HS3ST4: variants seen among roughly 807,000 people sequenced by gnomAD.
The protein encoded by HS3ST4 is heparan sulfate-glucosamine 3-sulfotransferase 4.
Under a neutral mutation model 29.2 loss-of-function variants are expected in HS3ST4, and 17 were observed. That is an observed-to-expected ratio of 0.58 (90% CI 0.40 to 0.87). HS3ST4 has a LOEUF of 0.87. Ranked by LOEUF, HS3ST4 falls within the 40% of genes least tolerant of loss-of-function variation. The probability of loss-of-function intolerance (pLI) is 0.00; values close to 1 mark genes in which losing one functional copy is unlikely to be tolerated. For synonymous variants in HS3ST4, 314 were observed against 285.7 expected (o/e 1.10, Z -1.00); for missense variants, 627 against 634.5 (o/e 0.99, Z 0.13).
intron 1 of HS3ST4, among the ~76,000 whole-genome samples, chr16:25,732,553 C>G (rs1188461601): frequency 6.6e-6 from 1 of 152,158 alleles, no homozygotes; most frequent in African/African-American, 2.4e-5. Context: ...AGCTGGTGTT[C>G]TGGGTGCCAC....
At chr16:26,069,559 TA>T (rs1028766574) in intron 1 of HS3ST4, among the ~76,000 whole-genome samples, 9 of 150,532 alleles carry the variant, frequency 6.0e-5, no homozygotes, top group Non-Finnish European at 1.3e-4. Context: ...TATATATATA[TA>T]TTTTTTTTTA....
intron 1 of HS3ST4, among the ~76,000 whole-genome samples, chr16:26,087,301 C>T (rs1469506572): frequency 6.6e-6 from 1 of 152,202 alleles, no homozygotes; most frequent in Non-Finnish European, 1.5e-5. Flanking sequence ...ATCATCTGGA[C>T]TTGGTTAGAG....
At chr16:25,946,297 G>T (rs959224044) in intron 1 of HS3ST4, among the ~76,000 whole-genome samples, 3 of 152,196 alleles carry the variant, frequency 2.0e-5, no homozygotes, top group African/African-American at 7.2e-5. Context: ...GTGTGTTAAG[G>T]TCATATTTCC....
intron 1 of HS3ST4, among the ~76,000 whole-genome samples, chr16:25,779,656 A>G (rs1282778748): frequency 6.6e-6 from 1 of 152,220 alleles, no homozygotes; most frequent in East Asian, 1.9e-4. Context: ...AACAAAATCT[A>G]CTTTTCTTGA....
chr16:25,978,581 T>C (rs1206533854), intron 1 of HS3ST4, among the ~76,000 whole-genome samples: 1 of 152,254 alleles, frequency 6.6e-6, no homozygotes, highest in Non-Finnish European at 1.5e-5. Context: ...GAACACTGTC[T>C]ACATCTCTTG....
chr16:25,867,697 G>A (rs1331134470), intron 1 of HS3ST4, among the ~76,000 whole-genome samples: 2 of 152,090 alleles, frequency 1.3e-5, no homozygotes, highest in Non-Finnish European at 1.5e-5. Flanking sequence ...TAGCTTCAGG[G>A]CTTGGCACAT....
intron 1 of HS3ST4, among the ~76,000 whole-genome samples, chr16:25,854,433 C>T (rs2141651173): frequency 6.6e-6 from 1 of 152,272 alleles, no homozygotes. Flanking sequence ...TCACTTTCAT[C>T]ACCATCTTGG....
intron 1 of HS3ST4, among the ~76,000 whole-genome samples, chr16:26,094,805 A>C (rs8060902): frequency 6.6e-6 from 1 of 151,984 alleles, no homozygotes; most frequent in Non-Finnish European, 1.5e-5. Context: ...CCCCAATTAA[A>C]AGACACAAAC....
At chr16:25,989,888 C>A (rs183068958) in intron 1 of HS3ST4, among the ~76,000 whole-genome samples, 1 of 152,178 alleles carries the variant, frequency 6.6e-6, no homozygotes, top group Non-Finnish European at 1.5e-5. Flanking sequence ...TGTTTAATCA[C>A]CGGAAGTCCA....
At chr16:25,816,831 A>G (rs930547072) in intron 1 of HS3ST4, among the ~76,000 whole-genome samples, 1 of 152,148 alleles carries the variant, frequency 6.6e-6, no homozygotes, top group Non-Finnish European at 1.5e-5. Context: ...GAGGTGACAC[A>G]GGGCATCACA....
intron 1 of HS3ST4, among the ~76,000 whole-genome samples, chr16:26,072,938 A>G (rs1339431763): frequency 6.6e-6 from 1 of 152,284 alleles, no homozygotes; most frequent in East Asian, 1.9e-4. Flanking sequence ...GTAAATCTCT[A>G]CAAAAAATAA....
intron 1 of HS3ST4, among the ~76,000 whole-genome samples, chr16:25,810,601 C>CT (rs1967033295): frequency 1.3e-5 from 2 of 152,158 alleles, no homozygotes; most frequent in African/African-American, 4.8e-5. Flanking sequence ...TTGCTTCATT[C>CT]TTTTCAGGTT....
chr16:25,994,205 A>T (rs1483217687), intron 1 of HS3ST4, among the ~76,000 whole-genome samples: 1 of 152,052 alleles, frequency 6.6e-6, no homozygotes, highest in African/African-American at 2.4e-5. Flanking sequence ...TCAGTCCATA[A>T]CATCCCCATT....
At chr16:26,038,021 C>A (rs1969599328) in intron 1 of HS3ST4, among the ~76,000 whole-genome samples, 1 of 152,150 alleles carries the variant, frequency 6.6e-6, no homozygotes, top group Non-Finnish European at 1.5e-5. Flanking sequence ...GAGTAAAAGT[C>A]CTTCGTGTAT....
At chr16:25,728,924 A>G (rs1207237951) in intron 1 of HS3ST4, among the ~76,000 whole-genome samples, 6 of 152,066 alleles carry the variant, frequency 3.9e-5, no homozygotes, top group Admixed American at 6.5e-5. Context: ...TTTCTATAAA[A>G]AAATAAAAAT....
chr16:25,858,010 T>TGTCTTTTCCTTTCTTTCC (rs913269732), intron 1 of HS3ST4, among the ~76,000 whole-genome samples: 4 of 147,786 alleles, frequency 2.7e-5, no homozygotes, highest in Non-Finnish European at 4.6e-5. Context: ...CTTTTCTTTC[T>TGTCTTTTCCTTTCTTTCC]GTCTTTTTCT....
At chr16:26,066,852 A>G (rs4605168) in intron 1 of HS3ST4, among the ~76,000 whole-genome samples, 13,348 of 152,330 alleles carry the variant, frequency 0.088, 793 homozygotes, top group Admixed American at 0.19. Flanking sequence ...TGCAATGCTC[A>G]GGACATCTGT....
At chr16:25,853,495 G>A (rs1009716865) in intron 1 of HS3ST4, among the ~76,000 whole-genome samples, 1 of 152,096 alleles carries the variant, frequency 6.6e-6, no homozygotes, top group South Asian at 2.1e-4. Flanking sequence ...TGGAGGGAAG[G>A]CTTTAAGCTT....
At chr16:25,771,550 A>G (rs1454938260) in intron 1 of HS3ST4, among the ~76,000 whole-genome samples, 1 of 152,122 alleles carries the variant, frequency 6.6e-6, no homozygotes, top group East Asian at 1.9e-4. Flanking sequence ...TTCAGATGTT[A>G]CTATGGGAAG....
Sources: allele counts gnomAD v4.1 joint callset (sites outside exome capture counted in the v4.1 genomes callset), GRCh38; gene constraint gnomAD v4.1.1; transcripts MANE v1.5; gene names NCBI Gene and HGNC (gene_info 2026-07-23, HGNC 2026-07-21).